Variants in ARMH4 observed in about 807,000 individuals in gnomAD.
ARMH4 encodes the protein armadillo-like helical domain-containing protein 4.
In ARMH4, 49 loss-of-function variants were observed where a neutral mutation model predicts 61.9. The ratio of observed to expected loss-of-function variants is 0.79; its 90% CI spans 0.63 to 1.00. The LOEUF is 1.00. Ranked by LOEUF, ARMH4 falls within the 50% of genes least tolerant of loss-of-function variation. The pLI, the probability that ARMH4 is intolerant of heterozygous loss-of-function variation, is 0.00. For synonymous variants in ARMH4, 368 were observed against 341.5 expected (o/e 1.08, Z -0.85); for missense variants, 934 against 930.0 (o/e 1.00, Z -0.06).
intron 5 of ARMH4, 111 bp from the exon 6 acceptor site, chr14:58,012,261 G>T (rs3783688): frequency 0.18 from 104,997 of 576,758 alleles, 11,751 homozygotes; most frequent in East Asian, 0.47. Context: ...ACAGTAAAAG[G>T]ATTAACAATA....
At chr14:58,075,865 T>C (rs1000848350) in intron 5 of ARMH4, among the ~76,000 whole-genome samples, 2 of 152,130 alleles carry the variant, frequency 1.3e-5, no homozygotes, top group Admixed American at 6.5e-5. Flanking sequence ...GAGCTTTAAT[T>C]TGTTCATATG....
chr14:58,061,491 AG>A (rs1884529880), intron 5 of ARMH4, among the ~76,000 whole-genome samples: 1 of 152,146 alleles, frequency 6.6e-6, no homozygotes, highest in African/African-American at 2.4e-5. Flanking sequence ...GCTTTCCATC[AG>A]ACATTATTTC....
At chr14:58,022,098 A>G (rs949189149) in intron 5 of ARMH4, among the ~76,000 whole-genome samples, 10 of 152,198 alleles carry the variant, frequency 6.6e-5, no homozygotes, top group Non-Finnish European at 1.3e-4. Context: ...CAACAGGGTT[A>G]GTTCCTTCTA....
rs148245759 is a variant in ARMH4 at position 58,088,190 on chromosome 14, A to C, written c.2089+8534T>G. Among the ~76,000 whole-genome samples the C allele has an allele frequency of 6.7e-4, 102 of 152,322 alleles. 1 individual carries two copies. The East Asian group carries it at 0.017, about 25-fold the overall frequency. On this transcript the variant is annotated intron_variant, in intron 5 of 7. Transcript: ENST00000267485. ...AAAACTCAGGCAATACGTGCATTTA[A>C]AACCTACTAAAATCCTGAGTTTGTT... is the stretch of plus-strand genomic sequence containing the variant.
chr14:58,080,086 C>T (rs1273120925), intron 5 of ARMH4, among the ~76,000 whole-genome samples: 1 of 151,172 alleles, frequency 6.6e-6, no homozygotes, highest in African/African-American at 2.4e-5. Flanking sequence ...GATGAGGTGC[C>T]TTTGTCACTA....
In ARMH4 at chr14:58,078,827, C is replaced by T. The variant is rs191083788; in HGVS notation, c.2089+17897G>A. On this transcript the variant is annotated intron_variant, in intron 5 of 7. Transcript: ENST00000267485. ...TCTCAGGGGCTGTACTTTGCTGACCCCTGGCCTAAGCCAATGGGACCAATG... is the reference window on the plus strand; with the variant it reads ...TCTCAGGGGCTGTACTTTGCTGACCTCTGGCCTAAGCCAATGGGACCAATG... Among the ~76,000 whole-genome samples, 86 of 152,336 alleles carry T rather than the reference C, an allele frequency of 5.6e-4. 1 individual carries two copies. The highest frequency in any genetic ancestry group is 1.9e-3 in the African/African-American group (81 of 41,580).
In ARMH4 at chr14:58,132,987, G is replaced by A. The variant is rs967837073; in HGVS notation, c.1621+103C>T. The stretch of plus-strand genomic sequence containing the variant: ...TGTGTGTGTGTACGTGCACGCACGC[G>A]CGCGCTGATGGCAATGTCGGCTGCC... On this transcript the variant is annotated intron_variant, in intron 3 of 7. Coordinates refer to ENST00000267485, the MANE Select transcript of ARMH4 (RefSeq NM_001001872.4). 1.8e-5 allele frequency: 22 copies of A among 1,255,676 alleles called. 1 individual carries two copies. The highest frequency in any genetic ancestry group is 6.7e-5 in the South Asian group (5 of 74,278). The allele number at this position is 1,255,676 out of a possible 1,614,324, so 77.8% of individuals were successfully genotyped here.
intron 5 of ARMH4, among the ~76,000 whole-genome samples, chr14:58,020,161 T>C (rs1230985981): frequency 6.6e-6 from 1 of 151,942 alleles, no homozygotes; most frequent in Non-Finnish European, 1.5e-5. Flanking sequence ...AGCTAAAGAG[T>C]AGCTGATCTG....
chr14:58,118,111 A>C (rs1594767638), intron 4 of ARMH4, among the ~76,000 whole-genome samples: 1 of 152,130 alleles, frequency 6.6e-6, no homozygotes, highest in Non-Finnish European at 1.5e-5. Context: ...AGAGGAGAAT[A>C]AGTTTGAGCT....
chr14:58,096,703 G>A (rs762674306), intron 5 of ARMH4, 21 bp downstream of exon 5: 23 of 1,604,892 alleles, frequency 1.4e-5, no homozygotes, highest in Non-Finnish European at 8.5e-7. Flanking sequence ...GGAGGAAAAG[G>A]GAAATACACA....
In ARMH4 at chr14:58,043,252, C is replaced by T. The variant is rs567924508; in HGVS notation, c.2090-31102G>A. 4.6e-5 allele frequency among the ~76,000 whole-genome samples: 7 copies of T among 152,228 alleles called. No homozygotes were observed. The South Asian group carries it at 1.5e-3, about 32-fold the overall frequency. ...CCAGCAGCACATCAAAAAGCTTACC[C>T]ACCATGATCAAGTGGGCTTCATCCC... On this transcript the variant is annotated intron_variant, in intron 5 of 7. Transcript: ENST00000267485.
At chr14:58,059,357 T>C (rs1196880313) in intron 5 of ARMH4, among the ~76,000 whole-genome samples, 2 of 152,248 alleles carry the variant, frequency 1.3e-5, no homozygotes, top group Admixed American at 1.3e-4. Context: ...AAGGCCACTC[T>C]GCCAAACACT....
chr14:58,018,018 T>A (rs1882678392), intron 5 of ARMH4, among the ~76,000 whole-genome samples: 2 of 152,086 alleles, frequency 1.3e-5, no homozygotes, highest in Admixed American at 1.3e-4. Flanking sequence ...GAACACACAA[T>A]GGGGAAAGGA....
intron 4 of ARMH4, among the ~76,000 whole-genome samples, chr14:58,105,363 G>A (rs1205118885): frequency 6.6e-6 from 1 of 152,170 alleles, no homozygotes; most frequent in Non-Finnish European, 1.5e-5. Flanking sequence ...AATAAAGATA[G>A]CATAGACAAA....
At chr14:58,055,915 G>T (rs1435962458) in intron 5 of ARMH4, among the ~76,000 whole-genome samples, 1 of 152,234 alleles carries the variant, frequency 6.6e-6, no homozygotes, top group Non-Finnish European at 1.5e-5. Context: ...TACAAAATAT[G>T]ATTCAAAAGC....
chr14:58,041,749 G>T (rs568892880), intron 5 of ARMH4, among the ~76,000 whole-genome samples: 14 of 152,184 alleles, frequency 9.2e-5, no homozygotes, highest in Non-Finnish European at 1.8e-4. Flanking sequence ...GATGGAGGAA[G>T]ATCTACCAAG....
At chr14:58,051,928 G>A (rs942266747) in intron 5 of ARMH4, among the ~76,000 whole-genome samples, 1 of 150,088 alleles carries the variant, frequency 6.7e-6, no homozygotes, top group Non-Finnish European at 1.5e-5. Context: ...CAGAAAGAAA[G>A]AGAAAACCCT....
intron 4 of ARMH4, among the ~76,000 whole-genome samples, chr14:58,126,721 A>G (rs1302486018): frequency 6.6e-6 from 1 of 152,230 alleles, no homozygotes. Context: ...AAAGAAAAAA[A>G]CTGTAGTTAA....
Position 58,138,649 on chromosome 14 carries a change from G to C in ARMH4, c.710C>G (p.Pro237Arg). The change falls in exon 2 of 8, where the codon CCT becomes CGT. Residue 237 changes from proline to arginine, a missense_variant. Coordinates refer to ENST00000267485, the MANE Select transcript of ARMH4 (RefSeq NM_001001872.4). ...ADTDHRTTSFPGAESTAGSEP... is the reference protein window; with the variant it reads ...ADTDHRTTSFRGAESTAGSEP... ...ACTGCCTGCTGTGGACTCAGCACCA[G>C]GAAAAGAAGTTGTCCTGTGGTCTGT... is the stretch of plus-strand genomic sequence containing the variant. 1.2e-6 allele frequency: 2 copies of C among 1,614,184 alleles called. No individual in the cohort carries two copies. The highest frequency in any genetic ancestry group is 2.7e-5 in the African/African-American group (2 of 75,054).
Sources: allele counts gnomAD v4.1 joint callset (sites outside exome capture counted in the v4.1 genomes callset), GRCh38; gene constraint gnomAD v4.1.1; transcripts MANE v1.5; gene names NCBI Gene and HGNC (gene_info 2026-07-23, HGNC 2026-07-21).